AGMO: variants seen among roughly 807,000 people sequenced by gnomAD.
The protein encoded by AGMO is glyceryl-ether monooxygenase.
Under a neutral mutation model 60.2 loss-of-function variants are expected in AGMO, and 75 were observed. The ratio of observed to expected loss-of-function variants is 1.25; its 90% CI spans 1.03 to 1.51. The LOEUF (loss-of-function observed/expected upper bound fraction) is 1.51. Among genes scored for constraint, AGMO ranks in the 40% most tolerant of loss-of-function variants. The pLI, the probability that AGMO is intolerant of heterozygous loss-of-function variation, is 0.00. For missense variants in AGMO, 763 were observed against 525.5 expected, an observed-to-expected ratio of 1.45 and a Z score of -4.42; for synonymous variants, 261 against 177.1, an observed-to-expected ratio of 1.47 and a Z score of -3.76.
Position 15,356,375 on chromosome 7 carries a change from A to T in AGMO, c.1263+9139T>A, listed in dbSNP as rs1782529184. 2.0e-5 allele frequency among the ~76,000 whole-genome samples: 3 copies of T among 152,312 alleles called. No individual in the cohort carries two copies. The South Asian group carries it at 6.2e-4, about 32-fold the overall frequency. On this transcript the variant is annotated intron_variant, in intron 12 of 12. Coordinates refer to ENST00000342526, the MANE Select transcript of AGMO (RefSeq NM_001004320.2). ...AGAAATGGATACAAGTACAGGCAACAAAAAGAATACATTTTAAAAATAAAC... is the reference window on the plus strand; with the variant it reads ...AGAAATGGATACAAGTACAGGCAACTAAAAGAATACATTTTAAAAATAAAC...
At chr7:15,369,223 GTCT>G (rs1783104607) in intron 10 of AGMO, among the ~76,000 whole-genome samples, 1 of 151,742 alleles carries the variant, frequency 6.6e-6, no homozygotes, top group South Asian at 2.1e-4. Flanking sequence ...CCCCTAACTG[GTCT>G]TCCTACTTCT....
intron 3 of AGMO, among the ~76,000 whole-genome samples, chr7:15,512,505 G>A (rs1362576177): frequency 1.3e-5 from 2 of 151,976 alleles, no homozygotes; most frequent in Admixed American, 6.6e-5. Flanking sequence ...CACCCTCCTC[G>A]GCCTCCCAAA....
chr7:15,322,697 T>C (rs1317493664), intron 12 of AGMO, among the ~76,000 whole-genome samples: 1 of 59,218 alleles, frequency 1.7e-5, no homozygotes, highest in Non-Finnish European at 2.6e-5. Context: ...AATATATGAA[T>C]ATGTATAAAT....
At chr7:15,552,153 C>A (rs935310737) in intron 2 of AGMO, among the ~76,000 whole-genome samples, 1 of 151,974 alleles carries the variant, frequency 6.6e-6, no homozygotes, top group South Asian at 2.1e-4. Flanking sequence ...TCCTTACACC[C>A]TATACAAAAA....
At chr7:15,365,082 T>A (rs1479952439) in intron 12 of AGMO, among the ~76,000 whole-genome samples, 8 of 152,012 alleles carry the variant, frequency 5.3e-5, no homozygotes, top group Non-Finnish European at 1.0e-4. Context: ...TGACTTTATT[T>A]CTGTAGAATG....
chr7:15,378,659 G>T (rs1423001588), intron 10 of AGMO, among the ~76,000 whole-genome samples: 4 of 151,766 alleles, frequency 2.6e-5, no homozygotes, highest in Non-Finnish European at 1.5e-5. Flanking sequence ...ACAAAGATAT[G>T]CAGCACCTGA....
chr7:15,387,484 A>C lies in AGMO; in HGVS notation c.879T>G (p.Asn293Lys). Residue 293 changes from asparagine (N) to lysine (K), a missense_variant, in exon 9 of 13, where the codon AAT (asparagine) becomes AAG (lysine). Coordinates refer to ENST00000342526, the MANE Select transcript of AGMO (RefSeq NM_001004320.2). ...TTFWATPGFFNKFSVIFKGPG... is the reference protein window; with the variant it reads ...TTFWATPGFFKKFSVIFKGPG... ...GTCCCTTAAATATGACAGAAAACTTATTGAAGAATCCAGGTGTGGCCCAGA... is the reference window on the plus strand; with the variant it reads ...GTCCCTTAAATATGACAGAAAACTTCTTGAAGAATCCAGGTGTGGCCCAGA... The C allele has an allele frequency of 6.2e-7, 1 of 1,614,110 alleles. No homozygotes were observed. Among genetic ancestry groups the C allele is most frequent in the Non-Finnish European group, 8.5e-7 (1 of 1,179,974 alleles).
At chr7:15,542,870 T>A (rs761872158) in intron 3 of AGMO, among the ~76,000 whole-genome samples, 1 of 152,222 alleles carries the variant, frequency 6.6e-6, no homozygotes, top group Non-Finnish European at 1.5e-5. Flanking sequence ...CTAACTCATA[T>A]ATTCACTTCA....
intron 3 of AGMO, among the ~76,000 whole-genome samples, chr7:15,490,053 A>G (rs117891439): frequency 0.026 from 3,953 of 152,362 alleles, 77 homozygotes; most frequent in Middle Eastern, 0.048. Context: ...AAGGAACTAT[A>G]TCAAAAAGAT....
chr7:15,328,769 A>G (rs1781419603), intron 12 of AGMO, among the ~76,000 whole-genome samples: 1 of 152,106 alleles, frequency 6.6e-6, no homozygotes, highest in South Asian at 2.1e-4. Context: ...TTTCCCATAT[A>G]TTACTGACAT....
At chr7:15,557,769 A>G (rs759702064) in intron 2 of AGMO, among the ~76,000 whole-genome samples, 8 of 152,070 alleles carry the variant, frequency 5.3e-5, no homozygotes, top group Non-Finnish European at 1.0e-4. Flanking sequence ...ATAATTTAGA[A>G]TTGTTCTTTA....
At chr7:15,456,617 G>C (rs10268875) in intron 3 of AGMO, among the ~76,000 whole-genome samples, 8,537 of 152,114 alleles carry the variant, frequency 0.056, 785 homozygotes, top group African/African-American at 0.19. Flanking sequence ...GAAATAGTTC[G>C]CTCAGCTGTG....
intron 12 of AGMO, among the ~76,000 whole-genome samples, chr7:15,306,759 C>A (rs957748027): frequency 2.6e-5 from 4 of 151,894 alleles, no homozygotes; most frequent in African/African-American, 9.7e-5. Flanking sequence ...AGGAATATGT[C>A]CCTAAACTAA....
At chr7:15,314,347 T>A (rs765770361) in intron 12 of AGMO, among the ~76,000 whole-genome samples, 4 of 152,148 alleles carry the variant, frequency 2.6e-5, no homozygotes, top group Non-Finnish European at 5.9e-5. Context: ...GGGACTACAG[T>A]AATGATATAA....
At position 15,365,560 on chromosome 7, in the gene AGMO, A is replaced by T. The variant is rs147450089; in HGVS notation, c.1217T>A (p.Phe406Tyr). The T allele has an allele frequency of 1.2e-6, 2 of 1,612,910 alleles. No homozygotes were observed. The highest frequency in any genetic ancestry group is 1.7e-5 in the Admixed American group (1 of 59,960). The change falls in exon 12 of 13, where the codon TTT (phenylalanine) becomes TAT (tyrosine). Residue 406 changes from phenylalanine to tyrosine, a missense_variant. By Grantham distance (22) the Phe-to-Tyr change is conservative. Transcript: ENST00000342526. ...AGGGACAAGAGGCTTCAGGTGACCA[A>T]ATCGGTACAGCATTAAGAACATCAA... is the stretch of plus-strand genomic sequence containing the variant. ...RCLMFLMLYR[F>Y]GHLKPLVPSL...
chr7:15,201,539 G>T (rs1394430560), intron 12 of AGMO, among the ~76,000 whole-genome samples, 180 bp from the exon 13 acceptor site: 1 of 152,104 alleles, frequency 6.6e-6, no homozygotes, highest in Non-Finnish European at 1.5e-5. Context: ...TTAAAACATG[G>T]TGTGTGAAGA....
At chr7:15,178,581 C>T in the AGMO span, among the ~76,000 whole-genome samples, 1 of 151,870 alleles carries the variant, frequency 6.6e-6, no homozygotes, top group Non-Finnish European at 1.5e-5. Context: ...TTTCTTCATG[C>T]CTCTTTCCAT....
chr7:15,308,761 AT>A (rs1245700654), intron 12 of AGMO, among the ~76,000 whole-genome samples: 4 of 152,194 alleles, frequency 2.6e-5, no homozygotes, highest in Non-Finnish European at 4.4e-5. Flanking sequence ...GTTATGTTTT[AT>A]AATTCTCAAA....
intron 8 of AGMO, among the ~76,000 whole-genome samples, chr7:15,388,374 G>A (rs1471351026): frequency 8.5e-5 from 13 of 152,228 alleles, no homozygotes; most frequent in Admixed American, 2.6e-4. Flanking sequence ...TAATGGAATA[G>A]ATCTGAGGAA....
Sources: gnomAD v4.1 joint callset for allele counts (sites outside exome capture counted in the v4.1 genomes callset) on GRCh38, gnomAD v4.1.1 for gene constraint, MANE v1.5 for transcripts, NCBI Gene and HGNC (gene_info 2026-07-23, HGNC 2026-07-21) for gene names.